The following GRXCR1 variants were observed in gnomAD, a reference collection of about 807,000 sequenced individuals.
GRXCR1 encodes glutaredoxin domain-containing cysteine-rich protein 1.
In GRXCR1, 27 loss-of-function variants were observed where a neutral mutation model predicts 27.3. That is an observed-to-expected ratio of 0.99 (90% CI 0.73 to 1.37). The LOEUF is 1.37. Ranked by LOEUF, GRXCR1 falls within the 40% of genes most tolerant of loss-of-function variation. GRXCR1 has a pLI of 0.00. For missense variants in GRXCR1, 379 were observed against 354.4 expected, an observed-to-expected ratio of 1.07 and a Z score of -0.56; for synonymous variants, 122 against 131.1, an observed-to-expected ratio of 0.93 and a Z score of 0.47.
chr4:42,961,503 A>G (rs1314495430), intron 1 of GRXCR1, among the ~76,000 whole-genome samples: 1 of 151,970 alleles, frequency 6.6e-6, no homozygotes, highest in Non-Finnish European at 1.5e-5. Flanking sequence ...CCTGCCTGCA[A>G]GACAACAATT....
At chr4:42,930,654 A>C (rs1186058245) in intron 1 of GRXCR1, among the ~76,000 whole-genome samples, 1 of 151,950 alleles carries the variant, frequency 6.6e-6, no homozygotes, top group Non-Finnish European at 1.5e-5. Flanking sequence ...TGTAGTCATC[A>C]AGGTCTGGGT....
intron 2 of GRXCR1, among the ~76,000 whole-genome samples, chr4:42,975,549 T>C (rs560594155): frequency 6.6e-6 from 1 of 152,226 alleles, no homozygotes; most frequent in East Asian, 1.9e-4. Context: ...CTTTAACAGA[T>C]GTCTCTTCCA....
chr4:43,028,634 C>A (rs544128570), intron 3 of GRXCR1, among the ~76,000 whole-genome samples: 1 of 152,332 alleles, frequency 6.6e-6, no homozygotes, highest in Non-Finnish European at 1.5e-5. Flanking sequence ...GATAAGAACT[C>A]CACTACTTAG....
intron 2 of GRXCR1, among the ~76,000 whole-genome samples, chr4:42,992,509 A>C (rs1712005638): frequency 6.6e-6 from 1 of 152,092 alleles, no homozygotes; most frequent in African/African-American, 2.4e-5. Context: ...TGATCCAAAT[A>C]ATTTTAATTT....
intron 1 of GRXCR1, among the ~76,000 whole-genome samples, chr4:42,904,214 A>G (rs1260484005): frequency 6.6e-6 from 1 of 152,174 alleles, no homozygotes; most frequent in East Asian, 1.9e-4. Flanking sequence ...CATGTGCTAC[A>G]CTGATGCTGC....
intron 1 of GRXCR1, among the ~76,000 whole-genome samples, chr4:42,927,882 C>A (rs1747209839): frequency 1.3e-5 from 2 of 151,908 alleles, no homozygotes; most frequent in African/African-American, 2.4e-5. Context: ...GAAGTGATCT[C>A]AGGAAGCCCC....
At chr4:42,943,674 A>G (rs1189486593) in intron 1 of GRXCR1, among the ~76,000 whole-genome samples, 2 of 152,106 alleles carry the variant, frequency 1.3e-5, no homozygotes, top group Non-Finnish European at 2.9e-5. Flanking sequence ...CATGAGCATC[A>G]CTAAAGTAGA....
At chr4:42,899,258 C>G (rs925807718) in intron 1 of GRXCR1, among the ~76,000 whole-genome samples, 1 of 152,020 alleles carries the variant, frequency 6.6e-6, no homozygotes, top group African/African-American at 2.4e-5. Flanking sequence ...TCCATTCTTT[C>G]TTTTGATCAT....
chr4:43,002,967 A>G (rs1294459004), intron 2 of GRXCR1, among the ~76,000 whole-genome samples: 2 of 152,190 alleles, frequency 1.3e-5, no homozygotes, highest in Non-Finnish European at 1.5e-5. Context: ...CCCCCATGCT[A>G]TTCTCAAGAT....
intron 1 of GRXCR1, among the ~76,000 whole-genome samples, chr4:42,952,827 C>T (rs1747915847): frequency 6.6e-6 from 1 of 152,084 alleles, no homozygotes; most frequent in African/African-American, 2.4e-5. Flanking sequence ...AAGTCTCAGT[C>T]ACTGAATACT....
intron 2 of GRXCR1, among the ~76,000 whole-genome samples, chr4:42,964,968 T>C (rs1301039854): frequency 6.6e-6 from 1 of 152,040 alleles, no homozygotes; most frequent in Non-Finnish European, 1.5e-5. Context: ...ACATTTCCCA[T>C]TGTGGAATTT....
chr4:43,003,451 G>A (rs1448676611), intron 2 of GRXCR1, among the ~76,000 whole-genome samples: 1 of 152,158 alleles, frequency 6.6e-6, no homozygotes, highest in Non-Finnish European at 1.5e-5. Context: ...CAGTTTGAAG[G>A]GCTCAGAAGA....
intron 1 of GRXCR1, among the ~76,000 whole-genome samples, chr4:42,901,201 A>G (rs1172562269): frequency 1.3e-5 from 2 of 152,226 alleles, no homozygotes; most frequent in Non-Finnish European, 2.9e-5. Flanking sequence ...AAGAGACTGA[A>G]CAACAATTAC....
At chr4:42,909,864 A>T (rs1204289864) in intron 1 of GRXCR1, among the ~76,000 whole-genome samples, 1 of 152,190 alleles carries the variant, frequency 6.6e-6, no homozygotes, top group African/African-American at 2.4e-5. Context: ...AAGTGTGAAT[A>T]AAGACTTGTG....
chr4:42,996,099 A>G (rs1338092072), intron 2 of GRXCR1, among the ~76,000 whole-genome samples: 2 of 152,186 alleles, frequency 1.3e-5, no homozygotes, highest in Non-Finnish European at 2.9e-5. Context: ...ATGCACAAAA[A>G]ATTATATATT....
At chr4:43,016,780 C>T (rs2109805434) in intron 2 of GRXCR1, among the ~76,000 whole-genome samples, 1 of 152,294 alleles carries the variant, frequency 6.6e-6, no homozygotes, top group South Asian at 2.1e-4. Context: ...AGCACACTTA[C>T]ACATTCATAG....
chr4:42,967,525 A>G (rs1748275973), intron 2 of GRXCR1, among the ~76,000 whole-genome samples: 5 of 152,134 alleles, frequency 3.3e-5, no homozygotes, highest in Admixed American at 3.3e-4. Context: ...GGATATAGGT[A>G]TAACAACCGT....
chr4:43,008,009 A>T (rs984309011), intron 2 of GRXCR1, among the ~76,000 whole-genome samples: 6 of 152,206 alleles, frequency 3.9e-5, no homozygotes, highest in African/African-American at 1.4e-4. Flanking sequence ...ATAATACATT[A>T]TTCACTAACA....
At chr4:42,893,763 A>G in intron 1 of GRXCR1, 113 bp downstream of exon 1, 1 of 971,760 alleles carries the variant, frequency 1.0e-6, no homozygotes, top group South Asian at 1.3e-5. Context: ...TACATGCTTC[A>G]TGAGACGCTC....
Sources: allele counts gnomAD v4.1 joint callset (sites outside exome capture counted in the v4.1 genomes callset), GRCh38; gene constraint gnomAD v4.1.1; transcripts MANE v1.5; gene names NCBI Gene and HGNC (gene_info 2026-07-23, HGNC 2026-07-21).